The following GALNT13 variants were observed in gnomAD, a reference collection of about 807,000 sequenced individuals.
The protein encoded by GALNT13 is polypeptide N-acetylgalactosaminyltransferase 13, also known as UDP-GalNAc:polypeptide N-acetylgalactosaminyltransferase 13.
Under a neutral mutation model 64.2 loss-of-function variants are expected in GALNT13, and 28 were observed. That is an observed-to-expected ratio of 0.44 (90% CI 0.32 to 0.60). The LOEUF (loss-of-function observed/expected upper bound fraction) is 0.60, where lower values mean the gene tolerates loss of function less well. Among genes scored for constraint, GALNT13 ranks in the 20% least tolerant of loss-of-function variants. GALNT13 has a pLI of 0.05. For missense variants in GALNT13, 577 were observed against 669.8 expected (o/e 0.86, Z 1.53); for synonymous variants, 214 against 224.6 (o/e 0.95, Z 0.42).
chr2:154,015,336 T>G (rs1696932885), intron 3 of GALNT13, among the ~76,000 whole-genome samples: 1 of 152,226 alleles, frequency 6.6e-6, no homozygotes, highest in Non-Finnish European at 1.5e-5. Flanking sequence ...TTAAATTAGT[T>G]ACTTCCTGGT....
chr2:154,126,648 A>AG (rs1029234913), intron 3 of GALNT13, among the ~76,000 whole-genome samples: 1 of 151,810 alleles, frequency 6.6e-6, no homozygotes, highest in Non-Finnish European at 1.5e-5. Flanking sequence ...AAAACAAAAA[A>AG]AAAAAACAAA....
the GALNT13 span, among the ~76,000 whole-genome samples, chr2:153,099,670 T>C: frequency 6.6e-6 from 1 of 152,254 alleles, no homozygotes; most frequent in Non-Finnish European, 1.5e-5. Flanking sequence ...CTCTATTTAA[T>C]GTTTTTCATT....
At chr2:153,574,393 A>G in the GALNT13 span, among the ~76,000 whole-genome samples, 1 of 152,004 alleles carries the variant, frequency 6.6e-6, no homozygotes, top group African/African-American at 2.4e-5. Flanking sequence ...ATCTATCTCT[A>G]GATTTGGGGA....
intron 9 of GALNT13, among the ~76,000 whole-genome samples, chr2:154,362,684 T>TA (rs1372880446): frequency 1.3e-5 from 2 of 152,236 alleles, no homozygotes; most frequent in Admixed American, 6.5e-5. Context: ...AATTATGAGC[T>TA]AAAAAAACTG....
chr2:153,190,412 G>C, the GALNT13 span, among the ~76,000 whole-genome samples: 1 of 151,932 alleles, frequency 6.6e-6, no homozygotes, highest in Admixed American at 6.6e-5. Context: ...GTTTATTTCT[G>C]TGTTCTCTAT....
At chr2:154,158,148 G>A (rs1684531543) in intron 4 of GALNT13, among the ~76,000 whole-genome samples, 1 of 152,050 alleles carries the variant, frequency 6.6e-6, no homozygotes, top group South Asian at 2.1e-4. Flanking sequence ...ATGGTATTCT[G>A]GATATCTTCC....
the GALNT13 span, among the ~76,000 whole-genome samples, chr2:153,566,480 G>A: frequency 2.7e-5 from 4 of 149,108 alleles, no homozygotes; most frequent in African/African-American, 2.5e-5. Context: ...TCAGCCTCCC[G>A]AGTAGCTGGG....
At chr2:153,484,552 G>A in the GALNT13 span, among the ~76,000 whole-genome samples, 1 of 152,010 alleles carries the variant, frequency 6.6e-6, no homozygotes, top group Non-Finnish European at 1.5e-5. Context: ...GCCAAAAAAG[G>A]TGTACCCGAT....
intron 9 of GALNT13, among the ~76,000 whole-genome samples, chr2:154,309,912 G>C (rs1559082853): frequency 6.6e-6 from 1 of 152,070 alleles, no homozygotes; most frequent in African/African-American, 2.4e-5. Flanking sequence ...TGGCCAAAAA[G>C]GCCCTGTGAG....
intron 8 of GALNT13, among the ~76,000 whole-genome samples, chr2:154,272,749 C>A (rs1691423085): frequency 6.6e-6 from 1 of 151,948 alleles, no homozygotes; most frequent in African/African-American, 2.4e-5. Flanking sequence ...TTGAAATGTC[C>A]CTGAAATATT....
the GALNT13 span, among the ~76,000 whole-genome samples, chr2:153,751,477 C>G: frequency 6.6e-6 from 1 of 151,262 alleles, no homozygotes; most frequent in Non-Finnish European, 1.5e-5. Flanking sequence ...CTCTTTAGTT[C>G]TAGTAATATT....
At chr2:154,260,628 C>T (rs1559054042) in intron 8 of GALNT13, among the ~76,000 whole-genome samples, 1 of 152,126 alleles carries the variant, frequency 6.6e-6, no homozygotes, top group Non-Finnish European at 1.5e-5. Context: ...CCTTCAGGTC[C>T]ATGGACAGTA....
At chr2:153,194,807 C>G in the GALNT13 span, among the ~76,000 whole-genome samples, 2 of 151,636 alleles carry the variant, frequency 1.3e-5, no homozygotes, top group African/African-American at 4.8e-5. Context: ...CAGTTGCACA[C>G]AGTAGTATAC....
the GALNT13 span, among the ~76,000 whole-genome samples, chr2:153,222,332 T>TGGGGGGGGGGGGGGGGGGGGGGGGGG: frequency 3.9e-5 from 4 of 103,788 alleles, no homozygotes; most frequent in Admixed American, 1.2e-4. Flanking sequence ...GGGGGTGGGG[T>TGGGGGGGGGGGGGGGGGGGGGGGGGG]GGGGGGGGGG....
At chr2:154,295,887 G>A in intron 8 of GALNT13, among the ~76,000 whole-genome samples, 1 of 152,158 alleles carries the variant, frequency 6.6e-6, no homozygotes, top group East Asian at 1.9e-4. Context: ...GCTTGCCGTT[G>A]TTGGCTTCAT....
the GALNT13 span, among the ~76,000 whole-genome samples, chr2:153,650,625 G>A: frequency 6.6e-6 from 1 of 152,066 alleles, no homozygotes; most frequent in African/African-American, 2.4e-5. Context: ...TCCATGTTTA[G>A]TGCTTCCTTC....
At chr2:154,383,355 T>C (rs2105336089) in intron 9 of GALNT13, among the ~76,000 whole-genome samples, 1 of 152,070 alleles carries the variant, frequency 6.6e-6, no homozygotes. Context: ...AGCACTGCTG[T>C]ATAAATAGAA....
At chr2:154,455,103 G>GA (rs1268986899), downstream of GALNT13, among the ~76,000 whole-genome samples, 1 of 151,926 alleles carries the variant, frequency 6.6e-6, no homozygotes, top group East Asian at 1.9e-4. Flanking sequence ...TAATAAAAAG[G>GA]AAAAAAGTGT....
At chr2:153,568,909 A>G in the GALNT13 span, among the ~76,000 whole-genome samples, 6 of 152,360 alleles carry the variant, frequency 3.9e-5, no homozygotes, top group African/African-American at 1.4e-4. Flanking sequence ...TTATTTCCCA[A>G]CATTGTTTTA....
Sources: gnomAD v4.1 joint callset for allele counts (sites outside exome capture counted in the v4.1 genomes callset) on GRCh38, gnomAD v4.1.1 for gene constraint, MANE v1.5 for transcripts, NCBI Gene and HGNC (gene_info 2026-07-23, HGNC 2026-07-21) for gene names.